The following ATR variants were observed in gnomAD, a reference collection of about 807,000 sequenced individuals.
ATR encodes ATR checkpoint kinase.
In ATR, 142 loss-of-function variants were observed where a neutral mutation model predicts 305.3. That is an observed-to-expected ratio of 0.47 (90% confidence interval 0.41 to 0.53). The LOEUF (loss-of-function observed/expected upper bound fraction) is 0.53. ATR is among the 20% of genes least tolerant of loss of function. The pLI, the probability that ATR is intolerant of heterozygous loss-of-function variation, is 0.00. For synonymous variants in ATR, 1,050 were observed against 1,068.1 expected (o/e 0.98, Z 0.33); for missense variants, 2,135 against 3,133.1 (o/e 0.68, Z 7.60).
At chr3:142,512,962 A>G (rs967507678) in intron 26 of ATR, among the ~76,000 whole-genome samples, 8 of 152,352 alleles carry the variant, frequency 5.3e-5, no homozygotes, top group African/African-American at 1.7e-4. Flanking sequence ...GTTAACGACT[A>G]AAGAAAATTT....
intron 13 of ATR, among the ~76,000 whole-genome samples, chr3:142,551,759 C>T (rs2034478113): frequency 6.6e-6 from 1 of 152,160 alleles, no homozygotes; most frequent in Admixed American, 6.5e-5. Flanking sequence ...GCTATAGGCA[C>T]AGGCAAAGAT....
At chr3:142,453,937 C>A (rs1260393525) in intron 45 of ATR, among the ~76,000 whole-genome samples, 3 of 152,202 alleles carry the variant, frequency 2.0e-5, no homozygotes, top group Non-Finnish European at 2.9e-5. Flanking sequence ...AACTAGTTTT[C>A]TGGCTGTTGG....
chr3:142,500,781 T>TTC (rs1266914206), intron 30 of ATR, among the ~76,000 whole-genome samples: 3 of 152,160 alleles, frequency 2.0e-5, no homozygotes, highest in Admixed American at 6.5e-5. Context: ...AAATGTAATT[T>TTC]TCAAAAGTCC....
chr3:142,462,898 C>A (rs906069712), intron 41 of ATR, among the ~76,000 whole-genome samples: 2 of 152,180 alleles, frequency 1.3e-5, no homozygotes, highest in Non-Finnish European at 2.9e-5. Context: ...GAAAGCCTTA[C>A]ATATTTCATC....
rs912543679 is a variant in ATR, at chr3:142,513,753, T to C, written c.4504-115A>G. ...AGTATTCATTTTTAAATTTAAAAAG[T>C]TTTTTAATTAATTTTTTAATTAAAT... On this transcript the variant is annotated intron_variant, in intron 25 of 46. Transcript: ENST00000350721. 9 of 1,143,878 alleles carry C rather than the reference T, an allele frequency of 7.9e-6. No individual in the cohort carries two copies. The African/African-American group carries it at 1.4e-4, about 18-fold the overall frequency. The allele number at this position is 1,143,878 out of a possible 1,614,324, so 70.9% of individuals were successfully genotyped here.
At chr3:142,565,389 T>C (rs973921846) in intron 3 of ATR, among the ~76,000 whole-genome samples, 3 of 152,186 alleles carry the variant, frequency 2.0e-5, no homozygotes, top group Admixed American at 2.0e-4. Flanking sequence ...ATTTTGCATC[T>C]CTTTATGAAG....
intron 36 of ATR, 102 bp downstream of exon 36, chr3:142,485,038 G>C: frequency 6.5e-7 from 1 of 1,529,594 alleles, no homozygotes; most frequent in South Asian, 1.1e-5. Context: ...TCAGTCATAA[G>C]CCAGAAAATA....
Position 142,473,941 on chromosome 3 carries a change from A to AT in ATR, c.6222-3759dup, listed in dbSNP as rs141622968. Among the ~76,000 whole-genome samples the AT allele has an allele frequency of 6.1e-3, 699 of 114,864 alleles. 12 individuals carry two copies. The highest frequency in any genetic ancestry group is 0.016 in the African/African-American group (471 of 29,850). 75.4% of individuals were successfully genotyped at this position (114,864 alleles called of 152,430 possible). A position where few individuals can be genotyped will look rare whatever the true frequency, so the allele number is the denominator to read the frequency against. On this transcript the variant is annotated intron_variant, in intron 36 of 46. Coordinates refer to ENST00000350721, the MANE Select transcript of ATR (RefSeq NM_001184.4). ...CTACTTCTGTGAAAAAAGTTATTGG[A>AT]TTTTTTTTTTTTTTTTTTTGAGACT...
chr3:142,552,103 C>T (rs555898159), intron 13 of ATR, among the ~76,000 whole-genome samples: 7 of 88,962 alleles, frequency 7.9e-5, no homozygotes, highest in East Asian at 2.5e-4. Flanking sequence ...TACCATCTCA[C>T]GCCAGCAGAA....
intron 16 of ATR, among the ~76,000 whole-genome samples, chr3:142,545,140 C>T (rs930078826): frequency 1.3e-5 from 2 of 152,100 alleles, no homozygotes; most frequent in Non-Finnish European, 1.5e-5. Context: ...ATACTGGGTA[C>T]AGGTGTACAA....
Position 142,474,529 on chromosome 3 carries a change from ACT to A in ATR, c.6222-4348_6222-4347del, listed in dbSNP as rs1392190599. Reference sequence around the variant, plus strand: ...TTGTCTTCTTAATTTATCTGCAAGTACTCTGTTATTAGTGTATAGAAATGCTA... The same window carrying A: ...TTGTCTTCTTAATTTATCTGCAAGTACTGTTATTAGTGTATAGAAATGCTA... On this transcript the variant is annotated intron_variant, in intron 36 of 46. Coordinates refer to ENST00000350721, the MANE Select transcript of ATR (RefSeq NM_001184.4). Among the ~76,000 whole-genome samples, 10 of 152,016 alleles carry A rather than the reference ACT, an allele frequency of 6.6e-5. No homozygotes were observed. The East Asian group carries it at 1.7e-3, about 26-fold the overall frequency.
At chr3:142,453,080 T>G in intron 46 of ATR, 48 bp downstream of exon 46, 1 of 1,612,472 alleles carries the variant, frequency 6.2e-7, no homozygotes, top group South Asian at 1.1e-5. Flanking sequence ...CAAGTTCATT[T>G]GTAGAGATGA....
chr3:142,473,893 T>A (rs1192946298), intron 36 of ATR, among the ~76,000 whole-genome samples: 2 of 151,518 alleles, frequency 1.3e-5, no homozygotes, highest in Non-Finnish European at 2.9e-5. Context: ...TCTAGGTCCA[T>A]ACAAATTTTA....
chr3:142,454,676 C>T (rs201506412), intron 45 of ATR, among the ~76,000 whole-genome samples: 130 of 151,982 alleles, frequency 8.6e-4, no homozygotes, highest in African/African-American at 2.6e-3. Flanking sequence ...CTCCTGACCT[C>T]GTGATCCGCC....
chr3:142,485,355 G>T, intron 35 of ATR, 73 bp from the exon 36 acceptor site: 4 of 1,543,762 alleles, frequency 2.6e-6, no homozygotes, highest in Admixed American at 1.8e-5. Flanking sequence ...ATGAATAGAT[G>T]ATTAGGGATC....
At chr3:142,493,388 AT>A (rs2031406615) in intron 34 of ATR, 77 bp from the exon 35 acceptor site, 1 of 1,415,542 alleles carries the variant, frequency 7.1e-7, no homozygotes, top group Non-Finnish European at 9.6e-7. Flanking sequence ...TTAGTTCATT[AT>A]GTTTTTGTAC....
chr3:142,470,282 C>T, intron 36 of ATR, 99 bp from the exon 37 acceptor site: 1 of 1,014,776 alleles, frequency 9.9e-7, no homozygotes, highest in Non-Finnish European at 1.5e-6. Context: ...ACCGTTTTCA[C>T]AAAAATTATG....
chr3:142,566,351 C>G (rs1277817420), intron 2 of ATR, 90 bp from the exon 3 acceptor site: 1 of 1,428,192 alleles, frequency 7.0e-7, no homozygotes, highest in Non-Finnish European at 9.7e-7. Flanking sequence ...AGGCAAGGTG[C>G]CTCACTCCTG....
chr3:142,546,051 C>G (rs1170067285), intron 16 of ATR, among the ~76,000 whole-genome samples: 1 of 152,158 alleles, frequency 6.6e-6, no homozygotes, highest in Non-Finnish European at 1.5e-5. Flanking sequence ...CTGCTCCGTA[C>G]CTGGGACACT....
Sources: gnomAD v4.1 joint callset for allele counts (sites outside exome capture counted in the v4.1 genomes callset) on GRCh38, gnomAD v4.1.1 for gene constraint, MANE v1.5 for transcripts, NCBI Gene and HGNC (gene_info 2026-07-23, HGNC 2026-07-21) for gene names.